Variants in JHY observed in about 807,000 individuals in gnomAD.
JHY encodes junctional cadherin complex regulator.
A neutral mutation model predicts 78.0 loss-of-function variants in JHY; 69 were observed. The observed-to-expected ratio is 0.88, with a 90% CI of 0.73 to 1.08. The LOEUF is 1.08. JHY is among the 50% of genes least tolerant of loss of function. The pLI, the probability that JHY is intolerant of heterozygous loss-of-function variation, is 0.00. For synonymous variants in JHY, 368 were observed against 342.6 expected, an observed-to-expected ratio of 1.07 and a Z score of -0.82; for missense variants, 944 against 927.8, an observed-to-expected ratio of 1.02 and a Z score of -0.23.
At chr11:122,892,789 G>A (rs914928660) in intron 2 of JHY, among the ~76,000 whole-genome samples, 2 of 152,116 alleles carry the variant, frequency 1.3e-5, no homozygotes, top group Admixed American at 6.5e-5. Flanking sequence ...AAAGACTTAG[G>A]GAAGACCAAA....
rs537987247 is a variant in JHY at position 122,962,583 on chromosome 11, G to A, written c.*3138G>A. 6.6e-6 allele frequency among the ~76,000 whole-genome samples: 1 copy of A among 152,274 alleles called. No individual in the cohort carries two copies. The highest frequency in any genetic ancestry group is 1.9e-4 in the East Asian group (1 of 5,186). On this transcript the variant is annotated 3_prime_UTR_variant, in exon 9 of 9. Coordinates refer to ENST00000227349, the MANE Select transcript of JHY (RefSeq NM_024806.4). The stretch of plus-strand genomic sequence containing the variant: ...TTCTAGGTGCATGAAGACATTTCTA[G>A]AAATATGAGGTAGAATGAATAACCT...
chr11:122,929,664 T>C (rs1428341207), intron 4 of JHY, among the ~76,000 whole-genome samples: 1 of 152,202 alleles, frequency 6.6e-6, no homozygotes, highest in Non-Finnish European at 1.5e-5. Flanking sequence ...CTCATGTATA[T>C]GGAAGGCTCC....
intron 3 of JHY, among the ~76,000 whole-genome samples, chr11:122,921,285 G>A (rs1863359116): frequency 6.6e-6 from 1 of 152,192 alleles, no homozygotes; most frequent in Non-Finnish European, 1.5e-5. Flanking sequence ...CAATCAAACA[G>A]TATCAACAGT....
intron 5 of JHY, among the ~76,000 whole-genome samples, chr11:122,942,693 A>C (rs1437252194): frequency 1.1e-4 from 17 of 152,204 alleles, no homozygotes; most frequent in Admixed American, 9.8e-4. Flanking sequence ...CAAAGTGCTC[A>C]GATTACAGGC....
intron 3 of JHY, among the ~76,000 whole-genome samples, chr11:122,904,681 A>G (rs576355131): frequency 1.3e-5 from 2 of 152,400 alleles, no homozygotes; most frequent in South Asian, 2.1e-4. Context: ...GATTATTGCT[A>G]TAAGTCAATT....
chr11:122,911,926 A>C (rs1863135806), intron 3 of JHY, among the ~76,000 whole-genome samples: 1 of 150,038 alleles, frequency 6.7e-6, no homozygotes, highest in African/African-American at 2.4e-5. Context: ...AAAAAAAAAA[A>C]AAAAAAAAAG....
chr11:122,883,388 T>A lies in JHY; in HGVS notation c.-90+416T>A, dbSNP rs150512805. 2.4e-3 allele frequency among the ~76,000 whole-genome samples: 364 copies of A among 152,264 alleles called. 1 individual carries two copies. The highest frequency in any genetic ancestry group is 0.024 in the Middle Eastern group (7 of 294). ...TTCGTTCCTTTTTCTTTACGATTCATCTTGGTGAGCCCAAGCAGGGTTCCT... is the reference window on the plus strand; with the variant it reads ...TTCGTTCCTTTTTCTTTACGATTCAACTTGGTGAGCCCAAGCAGGGTTCCT... On this transcript the variant is annotated intron_variant, in intron 1 of 8. Coordinates refer to ENST00000227349, the MANE Select transcript of JHY (RefSeq NM_024806.4). This position sits in a 1 kb window ranked among gnomAD's most constrained non-coding sequence, Gnocchi z 4.4.
chr11:122,884,719 C>T (rs1033497704), intron 1 of JHY, among the ~76,000 whole-genome samples: 1 of 152,160 alleles, frequency 6.6e-6, no homozygotes, highest in Non-Finnish European at 1.5e-5. Context: ...GATAGCATCC[C>T]GTTCGGTAAT....
At chr11:122,886,608 A>G (rs1354242880) in intron 2 of JHY, among the ~76,000 whole-genome samples, 5 of 152,050 alleles carry the variant, frequency 3.3e-5, no homozygotes, top group Non-Finnish European at 5.9e-5. Context: ...TAAAAATTTT[A>G]TGTAGTATTA....
At position 122,900,366 on chromosome 11, in the gene JHY, G is replaced by A. The variant is rs1402308369; in HGVS notation, c.345-3559G>A. 3.3e-5 allele frequency among the ~76,000 whole-genome samples: 5 copies of A among 152,044 alleles called. 1 individual carries two copies. In the South Asian group the frequency reaches 6.2e-4, roughly 19 times the overall value. On this transcript the variant is annotated intron_variant, in intron 2 of 8. Transcript: ENST00000227349. ...GCATACAATTATGTCCTCTGTAAAC[G>A]GGAATATCAAATAGCATAAAAAGCC... is the stretch of plus-strand genomic sequence containing the variant.
intron 8 of JHY, 104 bp from the exon 9 acceptor site, chr11:122,959,144 G>A (rs1864252669): frequency 2.1e-6 from 3 of 1,414,088 alleles, no homozygotes; most frequent in African/African-American, 2.9e-5. Flanking sequence ...GTAAGTTATA[G>A]TGATAGTCTC....
chr11:122,945,639 C>T (rs1863947751), intron 5 of JHY, among the ~76,000 whole-genome samples: 1 of 152,158 alleles, frequency 6.6e-6, no homozygotes, highest in Non-Finnish European at 1.5e-5. Context: ...GTGTATTTCT[C>T]TAGAGAAGTT....
At chr11:122,947,229 C>T (rs528744470) in intron 6 of JHY, 7 of 153,714 alleles carry the variant, frequency 4.6e-5, no homozygotes, top group Non-Finnish European at 8.7e-5. Context: ...TGAGTGAAAG[C>T]GCCTGTTGCC....
intron 6 of JHY, among the ~76,000 whole-genome samples, chr11:122,954,460 G>A (rs1864151246): frequency 6.6e-6 from 1 of 152,228 alleles, no homozygotes; most frequent in Admixed American, 6.5e-5. Context: ...TCTTGTAGTG[G>A]TTGATACAGT....
chr11:122,932,739 T>G (rs921440679), intron 4 of JHY, among the ~76,000 whole-genome samples: 4 of 152,182 alleles, frequency 2.6e-5, no homozygotes, highest in African/African-American at 9.7e-5. Flanking sequence ...ATAGCAATTA[T>G]TTTCTGGATC....
intron 5 of JHY, among the ~76,000 whole-genome samples, chr11:122,945,800 T>C (rs2135370979): frequency 6.6e-6 from 1 of 152,326 alleles, no homozygotes; most frequent in African/African-American, 2.4e-5. Flanking sequence ...GAGCTTGTTG[T>C]TGTTGTTGGG....
chr11:122,926,027 A>G (rs1798117179), intron 4 of JHY, among the ~76,000 whole-genome samples: 1 of 150,890 alleles, frequency 6.6e-6, no homozygotes, highest in South Asian at 2.1e-4. Context: ...AAAAAAGAAA[A>G]AAAAAAAAAG....
rs1049643054 is a variant in JHY at position 122,917,712 on chromosome 11, A to AT, written c.865-7178dup. On this transcript the variant is annotated intron_variant, in intron 3 of 8. Transcript: ENST00000227349. The surrounding 1 kb of genome is among the most constrained non-coding windows in gnomAD (Gnocchi z 4.1). ...TTCAGTGCAATGTGTGAGCTTTGTG[A>AT]TTTTTTTGTTTTTATCTCTAATGTG... 3.3e-4 allele frequency among the ~76,000 whole-genome samples: 50 copies of AT among 152,196 alleles called. No homozygotes were observed. The highest frequency in any genetic ancestry group is 1.1e-3 in the African/African-American group (46 of 41,536).
At chr11:122,906,288 A>G (rs1437116161) in intron 3 of JHY, among the ~76,000 whole-genome samples, 2 of 152,194 alleles carry the variant, frequency 1.3e-5, no homozygotes, top group East Asian at 3.9e-4. Flanking sequence ...CCTGGGCTCA[A>G]GCAATCCTCC....
Sources: gnomAD v4.1 joint callset for allele counts (sites outside exome capture counted in the v4.1 genomes callset) on GRCh38, gnomAD v4.1.1 for gene constraint, Gnocchi (gnomAD v3.1) non-coding constraint, MANE v1.5 for transcripts, NCBI Gene and HGNC (gene_info 2026-07-23, HGNC 2026-07-21) for gene names.